The following LRRC27 variants were observed in gnomAD, a reference collection of about 807,000 sequenced individuals.
The protein encoded by LRRC27 is leucine-rich repeat-containing protein 27.
A neutral mutation model predicts 55.0 loss-of-function variants in LRRC27; 57 were observed. The observed-to-expected ratio is 1.04, with a 90% CI of 0.84 to 1.29. The LOEUF (loss-of-function observed/expected upper bound fraction) is 1.29, where lower values mean the gene tolerates loss of function less well. Ranked by LOEUF, LRRC27 falls within the 50% of genes most tolerant of loss-of-function variation. LRRC27 has a pLI of 0.00. For synonymous variants in LRRC27, 278 were observed against 251.9 expected (o/e 1.10, Z -0.98); for missense variants, 721 against 651.5 (o/e 1.11, Z -1.16).
intron 10 of LRRC27, among the ~76,000 whole-genome samples, chr10:132,373,627 T>A (rs1439520165): frequency 2.0e-5 from 3 of 152,148 alleles, no homozygotes; most frequent in Admixed American, 2.0e-4. Context: ...CTGCTTCCCA[T>A]CTAGAGAGTC....
intron 2 of LRRC27, among the ~76,000 whole-genome samples, chr10:132,335,475 T>TTG (rs537282579): frequency 1.4e-5 from 2 of 140,322 alleles, no homozygotes; most frequent in African/African-American, 5.7e-5. Flanking sequence ...CTGAGTACTA[T>TTG]GGGGGGGGGT....
intron 10 of LRRC27, chr10:132,366,162 G>A: frequency 6.4e-6 from 1 of 155,794 alleles, no homozygotes; most frequent in Non-Finnish European, 1.4e-5. Flanking sequence ...CCACATGTCT[G>A]TGGGGTCCTT....
intron 8 of LRRC27, among the ~76,000 whole-genome samples, chr10:132,360,545 G>A (rs1042983219): frequency 1.1e-4 from 17 of 152,158 alleles, no homozygotes; most frequent in African/African-American, 3.9e-4. Context: ...GGGAGGGATA[G>A]GAAAAGGTTG....
rs1327307083 is a variant in LRRC27, at chr10:132,355,868, G to A, written c.1152G>A (p.Leu384=). Residue 384 remains leucine, a synonymous_variant, in exon 8 of 11, where the codon CTG becomes CTA. Transcript: ENST00000368614. ...GGAAGGAAGAGCTCAGCAAACTCCTGCCTCCGCGGAGGAGCATGGTACGGC... is the reference window on the plus strand; with the variant it reads ...GGAAGGAAGAGCTCAGCAAACTCCTACCTCCGCGGAGGAGCATGGTACGGC... ...RKRKEELSKL[L]PPRRSMVASK... is the part of the protein sequence containing the mutation. 1.1e-5 allele frequency: 17 copies of A among 1,555,566 alleles called. No homozygotes were observed. The highest frequency in any genetic ancestry group is 7.3e-5 in the East Asian group (3 of 41,144).
chr10:132,333,190 A>G (rs2066904901), intron 1 of LRRC27, among the ~76,000 whole-genome samples: 1 of 152,126 alleles, frequency 6.6e-6, no homozygotes, highest in Non-Finnish European at 1.5e-5. Context: ...AAATGTTCCG[A>G]TCTGTTTACA....
chr10:132,362,938 T>C (rs2068709258), intron 9 of LRRC27, among the ~76,000 whole-genome samples: 1 of 106,406 alleles, frequency 9.4e-6, no homozygotes, highest in Admixed American at 9.5e-5. Context: ...GGGTTCACCC[T>C]TCTCACCTCA....
chr10:132,348,079 G>T lies in LRRC27; in HGVS notation c.649G>T (p.Ala217Ser), dbSNP rs147220999. 1 of 1,614,134 alleles carries T rather than the reference G, an allele frequency of 6.2e-7. No homozygotes were observed. The highest frequency in any genetic ancestry group is 2.2e-5 in the East Asian group (1 of 44,878). The change falls in exon 6 of 11, where the codon GCT becomes TCT. Residue 217 changes from alanine (A) to serine (S), a missense_variant. Physicochemically the swap from Ala to Ser is moderately conservative, Grantham distance 99. Coordinates refer to ENST00000368614, the MANE Select transcript of LRRC27 (RefSeq NM_030626.3). The surrounding 1 kb of genome is among the most constrained non-coding windows in gnomAD (Gnocchi z 4.2). ...DHASNQGAVN[A>S]QDPEGAVMKE... ...CGCGTCTAACCAAGGAGCTGTGAAC[G>T]CTCAGGACCCAGAGGGGGCTGTGAT...
intron 6 of LRRC27, 67 bp from the exon 7 acceptor site, chr10:132,351,540 C>A: frequency 1.3e-6 from 2 of 1,546,456 alleles, no homozygotes; most frequent in Non-Finnish European, 1.8e-6. Context: ...TTACATTTCA[C>A]ATGTTGTATG....
At chr10:132,331,714 G>A, upstream of LRRC27, 3 of 1,612,610 alleles carry the variant, frequency 1.9e-6, no homozygotes, top group Non-Finnish European at 2.5e-6. Flanking sequence ...GGGCCCTCCG[G>A]CTCCCCAGAC....
At chr10:132,346,556 G>T (rs1291425621) in intron 5 of LRRC27, among the ~76,000 whole-genome samples, 4 of 152,168 alleles carry the variant, frequency 2.6e-5, no homozygotes, top group Admixed American at 6.5e-5. Context: ...GGCACCTGTA[G>T]TCCCAGCTAC....
chr10:132,352,769 A>G (rs72479351), intron 7 of LRRC27: 439,391 of 1,157,446 alleles, frequency 0.38, 86,152 homozygotes, highest in African/African-American at 0.49. Context: ...TCCCTGTGGG[A>G]CAGGCCGGTT....
intron 7 of LRRC27, among the ~76,000 whole-genome samples, chr10:132,354,411 A>T (rs2068211949): frequency 6.6e-6 from 1 of 152,076 alleles, no homozygotes; most frequent in African/African-American, 2.4e-5. Context: ...CAGTGACACT[A>T]AGTGGAGGCC....
In LRRC27 at chr10:132,380,208, AT is replaced by A. The variant is rs1422722338; in HGVS notation, c.*4967del. Reference sequence around the variant, plus strand: ...CTACTTGGGAGGCTGAGGCAGGAGAATCACTTGAACCCGGAAGGCAGAGGTT... The same window carrying A: ...CTACTTGGGAGGCTGAGGCAGGAGAACACTTGAACCCGGAAGGCAGAGGTT... On this transcript the variant is annotated 3_prime_UTR_variant, in exon 11 of 11. Transcript: ENST00000368614. Among the ~76,000 whole-genome samples the A allele has an allele frequency of 6.6e-6, 1 of 152,120 alleles. No homozygotes were observed. The highest frequency in any genetic ancestry group is 1.5e-5 in the Non-Finnish European group (1 of 68,016).
Position 132,374,495 on chromosome 10 carries a change from C to T in LRRC27, c.1417-571C>T, listed in dbSNP as rs189798392. 9.8e-4 allele frequency among the ~76,000 whole-genome samples: 150 copies of T among 152,288 alleles called. No individual in the cohort carries two copies. The highest frequency in any genetic ancestry group is 3.5e-3 in the African/African-American group (146 of 41,554). The stretch of plus-strand genomic sequence containing the variant: ...ACTTTGTTCTGCCCAGGGGATTGGC[C>T]GTGGACCATGAGGTTTGGAACAGAA... On this transcript the variant is annotated intron_variant, in intron 10 of 10. Coordinates refer to ENST00000368614, the MANE Select transcript of LRRC27 (RefSeq NM_030626.3). This position sits in a 1 kb window ranked among gnomAD's most constrained non-coding sequence, Gnocchi z 4.4.
intron 8 of LRRC27, 81 bp from the exon 9 acceptor site, chr10:132,361,376 T>G: frequency 1.7e-6 from 2 of 1,203,710 alleles, no homozygotes; most frequent in Non-Finnish European, 2.5e-6. Flanking sequence ...GAGGAGCTAG[T>G]CTAACACACC....
rs952227161 is a variant in LRRC27 at position 132,372,693 on chromosome 10, G to T, written c.1417-2373G>T. Among the ~76,000 whole-genome samples, 1 of 152,224 alleles carries T rather than the reference G, an allele frequency of 6.6e-6. No homozygotes were observed. The highest frequency in any genetic ancestry group is 1.5e-5 in the Non-Finnish European group (1 of 68,038). On this transcript the variant is annotated intron_variant, in intron 10 of 10. Coordinates refer to ENST00000368614, the MANE Select transcript of LRRC27 (RefSeq NM_030626.3). The surrounding 1 kb of genome is among the most constrained non-coding windows in gnomAD (Gnocchi z 4.0). ...AGGAGCCAGGGCTGCCTCTAGATAA[G>T]CTGACCAACCAGGCACCACAGTGGT...
In LRRC27 at chr10:132,344,670, T is replaced by A. The variant is rs1037463102; in HGVS notation, c.553+20T>A. The A allele has an allele frequency of 1.2e-6, 2 of 1,609,394 alleles. No homozygotes were observed. The highest frequency in any genetic ancestry group is 3.3e-5 in the Admixed American group (2 of 59,880). ...CTCAAGGTTTGTAGGAGGTGATTTA[T>A]GACAAATCACATTAACGTTGAAGTT... On this transcript the variant is annotated intron_variant, in intron 5 of 10. Coordinates refer to ENST00000368614, the MANE Select transcript of LRRC27 (RefSeq NM_030626.3).
intron 10 of LRRC27, among the ~76,000 whole-genome samples, chr10:132,367,372 CAGAG>C (rs929111496): frequency 7.9e-5 from 12 of 152,270 alleles, no homozygotes; most frequent in African/African-American, 2.9e-4. Flanking sequence ...AAGACAGAAA[CAGAG>C]AGAAAACTTT....
intron 3 of LRRC27, among the ~76,000 whole-genome samples, chr10:132,338,395 G>A (rs778533681): frequency 6.6e-6 from 1 of 152,234 alleles, no homozygotes; most frequent in Non-Finnish European, 1.5e-5. Context: ...TTGGCAAATA[G>A]TGAGAAATTC....
Sources: gnomAD v4.1 joint callset for allele counts (sites outside exome capture counted in the v4.1 genomes callset) on GRCh38, gnomAD v4.1.1 for gene constraint, Gnocchi (gnomAD v3.1) non-coding constraint, MANE v1.5 for transcripts, NCBI Gene and HGNC (gene_info 2026-07-23, HGNC 2026-07-21) for gene names.